The following EML1 variants were observed in gnomAD, a reference collection of about 807,000 sequenced individuals.
EML1 encodes the protein echinoderm microtubule-associated protein-like 1.
In EML1, 27 loss-of-function variants were observed where a neutral mutation model predicts 110.4. The observed-to-expected ratio is 0.24, with a 90% CI of 0.18 to 0.34. The LOEUF (loss-of-function observed/expected upper bound fraction) is 0.34, where lower values mean the gene tolerates loss of function less well. Ranked by LOEUF, EML1 falls within the 10% of genes least tolerant of loss-of-function variation. The pLI, the probability that EML1 is intolerant of heterozygous loss-of-function variation, is 1.00. For missense variants in EML1, 741 were observed against 1,030.9 expected (o/e 0.72, Z 3.85); for synonymous variants, 344 against 385.8 (o/e 0.89, Z 1.27).
Position 99,920,823 on chromosome 14 carries a change from G to A in EML1, c.1855G>A (p.Val619Ile), listed in dbSNP as rs1185037385. ...GTTTGACACAGAAACAAAAGACTTGGTCACCGTTCACACAGATGGAAACGA... is the reference window on the plus strand; with the variant it reads ...GTTTGACACAGAAACAAAAGACTTGATCACCGTTCACACAGATGGAAACGA... ...FVFDTETKDL[V>I]TVHTDGNEQL... is the part of the protein sequence containing the mutation. The change falls in exon 17 of 22, where the codon GTC (valine) becomes ATC (isoleucine). Residue 619 changes from valine to isoleucine, a missense_variant. Coordinates refer to ENST00000262233, the MANE Select transcript of EML1 (RefSeq NM_004434.3). The A allele has an allele frequency of 6.2e-7, 1 of 1,613,512 alleles. No individual in the cohort carries two copies. Among genetic ancestry groups the A allele is most frequent in the African/African-American group, 1.3e-5 (1 of 74,874 alleles).
intron 4 of EML1, among the ~76,000 whole-genome samples, chr14:99,888,485 T>C (rs557838204): frequency 6.6e-6 from 1 of 152,366 alleles, no homozygotes; most frequent in South Asian, 2.1e-4. Context: ...CCTTTGATTA[T>C]GTTTCTGTAA....
intron 17 of EML1, among the ~76,000 whole-genome samples, chr14:99,930,394 G>A (rs2140117801): frequency 6.6e-6 from 1 of 152,330 alleles, no homozygotes; most frequent in South Asian, 2.1e-4. Flanking sequence ...ACGAAGCCAA[G>A]CCCTCCAGGA....
chr14:99,796,672 G>T, intron 1 of EML1, among the ~76,000 whole-genome samples: 1 of 143,296 alleles, frequency 7.0e-6, no homozygotes, highest in African/African-American at 2.6e-5. Context: ...TTCTTTTAAT[G>T]CTGGGAAAAA....
At chr14:99,770,676 T>C (rs1015838330), upstream of EML1, among the ~76,000 whole-genome samples, 2 of 152,120 alleles carry the variant, frequency 1.3e-5, no homozygotes, top group African/African-American at 4.8e-5. Context: ...ACAAGAATTA[T>C]TGAACTGTGA....
At position 99,914,256 on chromosome 14, in the gene EML1, C is replaced by T. The variant is rs746402431; in HGVS notation, c.1572C>T (p.Asn524=). 2.5e-6 allele frequency: 4 copies of T among 1,613,892 alleles called. No homozygotes were observed. In the African/African-American group the frequency reaches 5.3e-5, roughly 22 times the overall value. The change falls in exon 14 of 22, where the codon AAC becomes AAT. Residue 524 remains asparagine, a synonymous_variant. Coordinates refer to ENST00000262233, the MANE Select transcript of EML1 (RefSeq NM_004434.3). The part of the protein sequence containing the change: ...GDVILIGTTR[N]FVLQGTLSGD... The stretch of plus-strand genomic sequence containing the variant: ...TGATCTTGATTGGCACAACTCGAAA[C>T]TTTGTCCTGCAGGGCACTCTGTCAG...
At chr14:99,926,532 G>T (rs924992699) in intron 17 of EML1, among the ~76,000 whole-genome samples, 1 of 151,852 alleles carries the variant, frequency 6.6e-6, no homozygotes, top group Non-Finnish European at 1.5e-5. Context: ...TGATCTGCCC[G>T]CCTCGGCCTC....
At chr14:99,802,559 G>C (rs941236946) in intron 1 of EML1, among the ~76,000 whole-genome samples, 7 of 152,070 alleles carry the variant, frequency 4.6e-5, no homozygotes, top group African/African-American at 1.7e-4. Flanking sequence ...CATTAAGAGT[G>C]GGGAGAGGGC....
intron 17 of EML1, among the ~76,000 whole-genome samples, chr14:99,932,417 T>C (rs991777691): frequency 1.3e-5 from 2 of 151,830 alleles, no homozygotes; most frequent in African/African-American, 2.4e-5. Flanking sequence ...GCAAGTGGAT[T>C]ACCTGAGGTC....
rs1189056327 is a variant in EML1, at chr14:99,851,104, A to G, written c.250+69A>G. The G allele has an allele frequency of 2.0e-6, 3 of 1,500,092 alleles. No individual in the cohort carries two copies. In the East Asian group the frequency reaches 6.9e-5, roughly 35 times the overall value. The allele number at this position is 1,500,092 out of a possible 1,614,324, so 92.9% of individuals were successfully genotyped here. On this transcript the variant is annotated intron_variant, in intron 2 of 21. Coordinates refer to ENST00000262233, the MANE Select transcript of EML1 (RefSeq NM_004434.3). Reference sequence around the variant, plus strand: ...GTGGCAGAATCTTGCTCTAGCAAACACATTGTGCTCTTTAATATTGACAGA... The same window carrying G: ...GTGGCAGAATCTTGCTCTAGCAAACGCATTGTGCTCTTTAATATTGACAGA...
chr14:99,924,524 A>C (rs2060198709), intron 17 of EML1, among the ~76,000 whole-genome samples: 1 of 152,266 alleles, frequency 6.6e-6, no homozygotes, highest in South Asian at 2.1e-4. Flanking sequence ...AATATATTGT[A>C]ATAAGAGTTA....
At chr14:99,885,180 C>T (rs999505248) in intron 4 of EML1, among the ~76,000 whole-genome samples, 9 of 152,188 alleles carry the variant, frequency 5.9e-5, no homozygotes, top group African/African-American at 2.2e-4. Context: ...ATATTGTATA[C>T]GATCAGGCAT....
chr14:99,806,256 G>C (rs2057971931), intron 1 of EML1, among the ~76,000 whole-genome samples: 1 of 151,148 alleles, frequency 6.6e-6, no homozygotes, highest in South Asian at 2.1e-4. Context: ...ACACCCACGT[G>C]CATTACAAGC....
At chr14:99,786,581 G>A (rs371019827) in intron 1 of EML1, among the ~76,000 whole-genome samples, 1 of 152,184 alleles carries the variant, frequency 6.6e-6, no homozygotes, top group African/African-American at 2.4e-5. Flanking sequence ...CTACCCTGGC[G>A]GGCAGGGGAG....
intron 1 of EML1, among the ~76,000 whole-genome samples, chr14:99,779,737 T>A (rs1595270427): frequency 6.6e-6 from 1 of 152,134 alleles, no homozygotes; most frequent in African/African-American, 2.4e-5. Flanking sequence ...GGGGCTGGGG[T>A]GAGGTCTGAT....
chr14:99,776,660 G>A (rs935382445), intron 1 of EML1, among the ~76,000 whole-genome samples: 7 of 152,174 alleles, frequency 4.6e-5, no homozygotes, highest in African/African-American at 7.2e-5. Context: ...GCACAGCTCA[G>A]TATATGCTAC....
At chr14:99,835,311 T>C (rs2058522111) in intron 1 of EML1, among the ~76,000 whole-genome samples, 1 of 152,214 alleles carries the variant, frequency 6.6e-6, no homozygotes, top group African/African-American at 2.4e-5. Context: ...TCTGTAGTAA[T>C]GTCAATTCTC....
At chr14:99,866,570 C>CAAAAA (rs57796662) in intron 3 of EML1, among the ~76,000 whole-genome samples, 1 of 80,110 alleles carries the variant, frequency 1.2e-5, no homozygotes, top group Non-Finnish European at 2.3e-5. Flanking sequence ...AACTCCATCT[C>CAAAAA]AAAAAAAAAA....
chr14:99,798,413 GAC>G (rs1266937960), intron 1 of EML1, among the ~76,000 whole-genome samples: 1 of 137,784 alleles, frequency 7.3e-6, no homozygotes, highest in East Asian at 2.2e-4. Flanking sequence ...TTTTTTTCGA[GAC>G]AGAGTCTCAC....
At chr14:99,860,038 G>A (rs889063994) in intron 2 of EML1, among the ~76,000 whole-genome samples, 2 of 152,100 alleles carry the variant, frequency 1.3e-5, no homozygotes, top group Non-Finnish European at 2.9e-5. Context: ...TCCAAGGCGT[G>A]TGCTGTGTCT....
Sources: gnomAD v4.1 joint callset for allele counts (sites outside exome capture counted in the v4.1 genomes callset) on GRCh38, gnomAD v4.1.1 for gene constraint, MANE v1.5 for transcripts, NCBI Gene and HGNC (gene_info 2026-07-23, HGNC 2026-07-21) for gene names.